UVRAG: variants seen among roughly 807,000 people sequenced by gnomAD.
UVRAG encodes the protein UV radiation resistance associated.
In UVRAG, 19 loss-of-function variants were observed where a neutral mutation model predicts 78.0. The observed-to-expected ratio is 0.24, with a 90% confidence interval of 0.17 to 0.36. UVRAG has a LOEUF of 0.36. Ranked by LOEUF, UVRAG falls within the 10% of genes least tolerant of loss-of-function variation. UVRAG has a pLI of 1.00. For missense variants in UVRAG, 740 were observed against 853.8 expected (o/e 0.87, Z 1.66); for synonymous variants, 323 against 324.6 (o/e 1.00, Z 0.05).
chr11:76,141,404 C>G lies in UVRAG; in HGVS notation c.2091C>G (p.Ser697=), dbSNP rs636420. ...GCTTCCGCCGGCCGCGCAGGAGTTC[C>G]GATAAGTGAAGTGAGCAGGTCAACA... ...VSSFRRPRRS[S]DK The change falls in exon 15 of 15, where the codon TCC becomes TCG. Residue 697 remains serine, a synonymous_variant. Coordinates refer to ENST00000356136, the MANE Select transcript of UVRAG (RefSeq NM_003369.4). The G allele has an allele frequency of 2.5e-6, 4 of 1,612,306 alleles. No homozygotes were observed. The Admixed American group carries it at 6.7e-5, about 27-fold the overall frequency.
chr11:75,862,914 A>G (rs1946453967), intron 3 of UVRAG, among the ~76,000 whole-genome samples: 1 of 152,210 alleles, frequency 6.6e-6, no homozygotes, highest in South Asian at 2.1e-4. Flanking sequence ...TACTTGTTAA[A>G]TGAATAAAGG....
intron 7 of UVRAG, among the ~76,000 whole-genome samples, chr11:75,975,641 G>T (rs1949223324): frequency 6.6e-6 from 1 of 152,172 alleles, no homozygotes; most frequent in Admixed American, 6.5e-5. Context: ...GTGAATGGGA[G>T]TTCACTCATG....
At chr11:75,937,119 C>T (rs1948388433) in intron 6 of UVRAG, among the ~76,000 whole-genome samples, 1 of 152,142 alleles carries the variant, frequency 6.6e-6, no homozygotes, top group African/African-American at 2.4e-5. Flanking sequence ...CCTGTAATCC[C>T]AGCACTTTGG....
At chr11:75,851,527 G>A (rs1319430826) in intron 1 of UVRAG, among the ~76,000 whole-genome samples, 1 of 152,186 alleles carries the variant, frequency 6.6e-6, no homozygotes, top group Non-Finnish European at 1.5e-5. Flanking sequence ...GATTTTATAT[G>A]TCTATCAGAA....
chr11:75,821,316 A>G (rs1475978868), intron 1 of UVRAG, among the ~76,000 whole-genome samples: 1 of 152,056 alleles, frequency 6.6e-6, no homozygotes, highest in Non-Finnish European at 1.5e-5. Context: ...TTGTTTATTC[A>G]TTCATCTCTT....
At chr11:75,933,934 T>C (rs1178214416) in intron 6 of UVRAG, among the ~76,000 whole-genome samples, 1 of 152,144 alleles carries the variant, frequency 6.6e-6, no homozygotes, top group Non-Finnish European at 1.5e-5. Context: ...CTATGGAGAA[T>C]AGTTTGGAGG....
chr11:75,951,957 G>A (rs547434638), intron 6 of UVRAG, among the ~76,000 whole-genome samples: 41 of 152,086 alleles, frequency 2.7e-4, no homozygotes, highest in South Asian at 1.2e-3. Context: ...TAATAATATC[G>A]TATCTTCCAA....
chr11:75,949,624 C>T (rs1948645797), intron 6 of UVRAG, among the ~76,000 whole-genome samples: 1 of 151,418 alleles, frequency 6.6e-6, no homozygotes, highest in Non-Finnish European at 1.5e-5. Context: ...TTTCTGGTTC[C>T]CCAAGCCATA....
At chr11:75,998,417 C>T (rs541410749) in intron 8 of UVRAG, among the ~76,000 whole-genome samples, 1 of 152,230 alleles carries the variant, frequency 6.6e-6, no homozygotes, top group South Asian at 2.1e-4. Flanking sequence ...GAATGGAGAA[C>T]TTTTAAAAAA....
rs553228641 is a variant in UVRAG, at chr11:75,953,010, T to C, written c.594-8434T>C. 7.9e-5 allele frequency among the ~76,000 whole-genome samples: 12 copies of C among 152,320 alleles called. No homozygotes were observed. The South Asian group carries it at 2.5e-3, about 32-fold the overall frequency. The stretch of plus-strand genomic sequence containing the variant: ...GTGGATTTTAAACAATTTGACTATT[T>C]CATTTAAGTTGAATTTATTGGCATA... On this transcript the variant is annotated intron_variant, in intron 6 of 14. Coordinates refer to ENST00000356136, the MANE Select transcript of UVRAG (RefSeq NM_003369.4).
At chr11:75,954,087 A>G (rs1268511521) in intron 6 of UVRAG, among the ~76,000 whole-genome samples, 1 of 152,144 alleles carries the variant, frequency 6.6e-6, no homozygotes, top group Admixed American at 6.5e-5. Context: ...GTTATTTTTC[A>G]AAGTCTAAAT....
chr11:76,090,082 G>T (rs1951667230), intron 13 of UVRAG, among the ~76,000 whole-genome samples: 1 of 152,128 alleles, frequency 6.6e-6, no homozygotes, highest in Admixed American at 6.6e-5. Context: ...CTGCACCTCT[G>T]ATTTCAACCA....
intron 3 of UVRAG, among the ~76,000 whole-genome samples, chr11:75,877,520 C>A (rs899624930): frequency 6.9e-6 from 1 of 144,446 alleles, no homozygotes; most frequent in Non-Finnish European, 1.5e-5. Flanking sequence ...TGACCCCCCC[C>A]ACCTCCCTCC....
chr11:75,945,961 G>T (rs937065346), intron 6 of UVRAG, among the ~76,000 whole-genome samples: 2 of 151,870 alleles, frequency 1.3e-5, no homozygotes, highest in African/African-American at 4.8e-5. Context: ...TTTATGTTCA[G>T]CCCTTACCCG....
In UVRAG at chr11:75,861,734, C is replaced by G. The variant is rs777420241; in HGVS notation, c.236-12C>G. 5.7e-6 allele frequency: 9 copies of G among 1,591,750 alleles called. No individual in the cohort carries two copies. Among genetic ancestry groups the G allele is most frequent in the Non-Finnish European group, 7.7e-6 (9 of 1,164,048 alleles). ...TTCATATCACTTATTGTTCTTTTTT[C>G]TTCTTTTCCAGAATTTTATAGAAGT... On this transcript the variant is annotated splice_polypyrimidine_tract_variant and intron_variant, in intron 2 of 14. Transcript: ENST00000356136.
intron 13 of UVRAG, among the ~76,000 whole-genome samples, chr11:76,071,489 A>G (rs917971080): frequency 2.0e-5 from 3 of 152,166 alleles, no homozygotes; most frequent in African/African-American, 4.8e-5. Flanking sequence ...TATTCTAAAT[A>G]CAAAGGGAAA....
chr11:76,037,565 C>T (rs941680909), intron 12 of UVRAG, among the ~76,000 whole-genome samples: 6 of 138,282 alleles, frequency 4.3e-5, no homozygotes, highest in Admixed American at 1.4e-4. Context: ...AAAAAAAAAT[C>T]AGCTGGGCGT....
intron 6 of UVRAG, among the ~76,000 whole-genome samples, chr11:75,938,216 A>G (rs997168086): frequency 3.9e-5 from 6 of 152,174 alleles, no homozygotes; most frequent in African/African-American, 1.4e-4. Flanking sequence ...GGGTTTTTCA[A>G]AAATTTTCAA....
In UVRAG at chr11:76,123,468, G is replaced by A. The variant is rs116773358; in HGVS notation, c.1397+7453G>A. ...TGAGTAGCCTAAAGCATATTTGCCC[G>A]TAGTGTTTGTGGAATGCTTCCTGGA... is the stretch of plus-strand genomic sequence containing the variant. On this transcript the variant is annotated intron_variant, in intron 14 of 14. Coordinates refer to ENST00000356136, the MANE Select transcript of UVRAG (RefSeq NM_003369.4). Among the ~76,000 whole-genome samples, 1,436 of 152,242 alleles carry A rather than the reference G, an allele frequency of 9.4e-3. 20 individuals are homozygous for A. Among genetic ancestry groups the A allele is most frequent in the African/African-American group, 0.033 (1,385 of 41,534 alleles).
Sources: allele counts gnomAD v4.1 joint callset (sites outside exome capture counted in the v4.1 genomes callset), GRCh38; gene constraint gnomAD v4.1.1; transcripts MANE v1.5; gene names NCBI Gene and HGNC (gene_info 2026-07-23, HGNC 2026-07-21).